The following GRID2 variants were observed in gnomAD, a reference collection of about 807,000 sequenced individuals.
GRID2 encodes the protein glutamate receptor ionotropic, delta-2.
GRID2 carries 33 observed loss-of-function variants against 114.8 expected under a neutral mutation model. The observed-to-expected ratio is 0.29, with a 90% CI of 0.22 to 0.38. The LOEUF is 0.38. GRID2 is among the 10% of genes least tolerant of loss of function. The probability of loss-of-function intolerance (pLI) is 1.00; values close to 1 mark genes in which losing one functional copy is unlikely to be tolerated. For missense variants in GRID2, 1,184 were observed against 1,257.7 expected, an observed-to-expected ratio of 0.94 and a Z score of 0.89; for synonymous variants, 505 against 449.9, an observed-to-expected ratio of 1.12 and a Z score of -1.55.
intron 8 of GRID2, among the ~76,000 whole-genome samples, chr4:93,249,847 G>A (rs1414678436): frequency 5.9e-5 from 9 of 151,766 alleles, no homozygotes; most frequent in African/African-American, 1.9e-4. Context: ...AGGAAAAAAC[G>A]GATGCTGGAG....
intron 1 of GRID2, among the ~76,000 whole-genome samples, chr4:93,781,048 G>A (rs550228457): frequency 2.0e-5 from 3 of 152,284 alleles, no homozygotes; most frequent in African/African-American, 4.8e-5. Context: ...AAAGATGATC[G>A]ATTTCTCAAA....
intron 2 of GRID2, among the ~76,000 whole-genome samples, chr4:93,013,395 AT>A (rs1187255905): frequency 6.6e-6 from 1 of 151,974 alleles, no homozygotes; most frequent in Non-Finnish European, 1.5e-5. Context: ...TTTAGTTAAT[AT>A]TCCATGTGCG....
chr4:92,947,320 T>C (rs1324059346), intron 2 of GRID2, among the ~76,000 whole-genome samples: 44 of 152,044 alleles, frequency 2.9e-4, no homozygotes. Flanking sequence ...AGTTATTATG[T>C]GCTAATATGA....
chr4:93,608,296 C>CTTTTTTTTTTTTTTTTTTTTTTTTTT (rs774334616), intron 13 of GRID2, among the ~76,000 whole-genome samples: 18 of 116,986 alleles, frequency 1.5e-4, no homozygotes, highest in East Asian at 2.4e-4. Flanking sequence ...ATTTTTTTTT[C>CTTTTTTTTTTTTTTTTTTTTTTTTTT]TTTTTTTTTT....
chr4:92,531,125 G>T (rs1442555760), intron 1 of GRID2, among the ~76,000 whole-genome samples: 1 of 151,980 alleles, frequency 6.6e-6, no homozygotes, highest in Admixed American at 6.6e-5. Flanking sequence ...ACTTTGTGGG[G>T]GGATAGATAA....
At chr4:92,716,561 G>T (rs925188272) in intron 2 of GRID2, among the ~76,000 whole-genome samples, 1 of 152,178 alleles carries the variant, frequency 6.6e-6, no homozygotes, top group Non-Finnish European at 1.5e-5. Flanking sequence ...AATGAAGAAT[G>T]ATCATTTTGA....
chr4:92,929,079 GTTTA>G (rs1220396126), intron 2 of GRID2, among the ~76,000 whole-genome samples: 1 of 151,170 alleles, frequency 6.6e-6, no homozygotes, highest in African/African-American at 2.4e-5. Context: ...TTCTTTTTAT[GTTTA>G]TTTCATTTTC....
At chr4:93,797,330 T>A (rs1258504688) in intron 1 of GRID2, among the ~76,000 whole-genome samples, 1 of 152,190 alleles carries the variant, frequency 6.6e-6, no homozygotes, top group Non-Finnish European at 1.5e-5. Context: ...AAACTTCTTT[T>A]TCTAGAAGCT....
At chr4:92,844,107 CTTGAAATT>C (rs759321279) in intron 2 of GRID2, among the ~76,000 whole-genome samples, 65 of 152,090 alleles carry the variant, frequency 4.3e-4, no homozygotes, top group Admixed American at 1.7e-3. Context: ...TCTATTTTTG[CTTGAAATT>C]TTGAAATTTA....
chr4:92,782,995 TATAA>T (rs1739157565), intron 2 of GRID2, among the ~76,000 whole-genome samples: 1 of 152,126 alleles, frequency 6.6e-6, no homozygotes, highest in African/African-American at 2.4e-5. Context: ...AGCAAGTTTA[TATAA>T]ATATTTACTT....
At chr4:92,535,101 A>C (rs1345841532) in intron 1 of GRID2, among the ~76,000 whole-genome samples, 3 of 152,210 alleles carry the variant, frequency 2.0e-5, no homozygotes, top group Admixed American at 2.0e-4. Context: ...CAGTTTTGAC[A>C]GCAGAGAAAA....
chr4:92,439,128 C>T (rs562863872), intron 1 of GRID2, among the ~76,000 whole-genome samples: 15 of 150,304 alleles, frequency 1.0e-4, no homozygotes, highest in Non-Finnish European at 1.5e-4. Context: ...TCAAAGGGGG[C>T]TTGTTCTCTG....
intron 1 of GRID2, among the ~76,000 whole-genome samples, chr4:92,536,592 T>G (rs1438328079): frequency 6.6e-6 from 1 of 152,244 alleles, no homozygotes; most frequent in Non-Finnish European, 1.5e-5. Context: ...GTTATTTTAA[T>G]TTTTTGCTTA....
chr4:92,777,606 G>C (rs1411644827), intron 2 of GRID2, among the ~76,000 whole-genome samples: 1 of 151,832 alleles, frequency 6.6e-6, no homozygotes, highest in Non-Finnish European at 1.5e-5. Context: ...ACCTCAACGT[G>C]ACTATATTTA....
intron 1 of GRID2, among the ~76,000 whole-genome samples, chr4:92,578,041 TTTCTTCTTC>T (rs201059955): frequency 0.046 from 5,808 of 125,544 alleles, 174 homozygotes; most frequent in Admixed American, 0.081. Context: ...TGAAACTTAG[TTTCTTCTTC>T]TTCTTCTTCT....
chr4:93,371,146 G>T (rs898121465), intron 8 of GRID2, among the ~76,000 whole-genome samples: 3 of 152,098 alleles, frequency 2.0e-5, no homozygotes, highest in African/African-American at 2.4e-5. Flanking sequence ...AAAAATTAGG[G>T]TTTAAGATTA....
chr4:92,925,292 G>A (rs974787926), intron 2 of GRID2, among the ~76,000 whole-genome samples: 4 of 151,974 alleles, frequency 2.6e-5, no homozygotes, highest in African/African-American at 9.7e-5. Context: ...CTGTGTCAAG[G>A]TTAAAGAGTG....
intron 13 of GRID2, among the ~76,000 whole-genome samples, chr4:93,547,537 G>C (rs957035402): frequency 3.9e-5 from 6 of 152,184 alleles, no homozygotes; most frequent in African/African-American, 1.4e-4. Flanking sequence ...ATGTAAAACA[G>C]TGATAATTTA....
chr4:93,238,742 A>G (rs1175182087), intron 8 of GRID2, among the ~76,000 whole-genome samples: 3 of 151,788 alleles, frequency 2.0e-5, no homozygotes, highest in Non-Finnish European at 4.4e-5. Flanking sequence ...GGGAAATAGC[A>G]TCATCTTTCA....
Sources: allele counts gnomAD v4.1 joint callset (sites outside exome capture counted in the v4.1 genomes callset), GRCh38; gene constraint gnomAD v4.1.1; transcripts MANE v1.5; gene names NCBI Gene and HGNC (gene_info 2026-07-23, HGNC 2026-07-21).